TMEM272: variants seen among roughly 807,000 people sequenced by gnomAD.
TMEM272 encodes transmembrane protein 272.
A neutral mutation model predicts 3.7 loss-of-function variants in TMEM272; 8 were observed. That is an observed-to-expected ratio of 2.17 (90% CI 1.27 to 3.91). TMEM272 has a LOEUF of 3.91. TMEM272 is among the 30% of genes most tolerant of loss of function. The probability of loss-of-function intolerance (pLI) is 0.00; values close to 1 mark genes in which losing one functional copy is unlikely to be tolerated. For missense variants in TMEM272, 166 were observed against 91.5 expected (o/e 1.81, Z -3.32); for synonymous variants, 63 against 39.8 (o/e 1.58, Z -2.20).
the TMEM272 span, among the ~76,000 whole-genome samples, chr13:51,869,826 A>C: frequency 6.6e-6 from 1 of 152,148 alleles, no homozygotes; most frequent in South Asian, 2.1e-4. Flanking sequence ...CCATGTAATA[A>C]AGCTCTGGAC....
chr13:51,870,531 A>C, the TMEM272 span, among the ~76,000 whole-genome samples: 1 of 244 alleles, frequency 4.1e-3, no homozygotes, highest in South Asian at 0.026. Context: ...CTACTCCCTC[A>C]AGTCCCGATA....
chr13:51,903,402 G>C, the TMEM272 span, among the ~76,000 whole-genome samples: 1 of 152,158 alleles, frequency 6.6e-6, no homozygotes, highest in South Asian at 2.1e-4. Context: ...CATGCTGTTG[G>C]AAATGGGAGG....
the TMEM272 span, chr13:51,866,158 G>A: frequency 8.3e-7 from 1 of 1,198,232 alleles, no homozygotes; most frequent in Non-Finnish European, 1.2e-6. Context: ...CCATGTGCTG[G>A]AGAAAATACA....
At chr13:51,824,593 G>A (rs1425728311) in intron 3 of TMEM272, among the ~76,000 whole-genome samples, 1 of 152,198 alleles carries the variant, frequency 6.6e-6, no homozygotes, top group Non-Finnish European at 1.5e-5. Flanking sequence ...ATGGGAATTG[G>A]CTTGTGGGGT....
chr13:51,885,528 C>T, the TMEM272 span, among the ~76,000 whole-genome samples: 113 of 152,290 alleles, frequency 7.4e-4, no homozygotes, highest in East Asian at 4.4e-3. Context: ...TACCTACCAC[C>T]GGATCCCTCC....
the TMEM272 span, among the ~76,000 whole-genome samples, chr13:51,853,609 C>T: frequency 6.6e-6 from 1 of 152,080 alleles, no homozygotes; most frequent in South Asian, 2.1e-4. Context: ...ACTGTTCACA[C>T]CTGTGTTGTT....
chr13:51,840,262 A>G (rs776035576), intron 1 of TMEM272, among the ~76,000 whole-genome samples: 1 of 152,136 alleles, frequency 6.6e-6, no homozygotes, highest in Non-Finnish European at 1.5e-5. Context: ...GAGGCTTCCC[A>G]AAGTGAGTCA....
chr13:51,876,124 C>G, the TMEM272 span, among the ~76,000 whole-genome samples: 4 of 152,130 alleles, frequency 2.6e-5, no homozygotes, highest in African/African-American at 4.8e-5. Flanking sequence ...GGTGTTCCCC[C>G]CAAAAAAAGG....
upstream of TMEM272, among the ~76,000 whole-genome samples, chr13:51,849,031 C>A (rs928249341): frequency 2.0e-5 from 3 of 152,176 alleles, no homozygotes; most frequent in Non-Finnish European, 4.4e-5. Flanking sequence ...CTCACTTCGA[C>A]TTCTACCTGA....
At chr13:51,831,019 C>T (rs748825353) in intron 2 of TMEM272, among the ~76,000 whole-genome samples, 5 of 152,226 alleles carry the variant, frequency 3.3e-5, no homozygotes, top group Non-Finnish European at 7.3e-5. Flanking sequence ...TCTAATGAGG[C>T]TCACTCTTGC....
the TMEM272 span, among the ~76,000 whole-genome samples, chr13:51,927,562 T>C: frequency 6.6e-6 from 1 of 152,284 alleles, no homozygotes; most frequent in East Asian, 1.9e-4. Flanking sequence ...TGACATAAGG[T>C]CCTGTCTTCT....
chr13:51,905,167 CAGG>C, the TMEM272 span, among the ~76,000 whole-genome samples: 5 of 152,216 alleles, frequency 3.3e-5, no homozygotes, highest in African/African-American at 1.2e-4. Flanking sequence ...CGGCCCTAAG[CAGG>C]AGAAGAAATG....
At chr13:51,848,001 T>C (rs1319060053), upstream of TMEM272, among the ~76,000 whole-genome samples, 1 of 152,156 alleles carries the variant, frequency 6.6e-6, no homozygotes, top group Admixed American at 6.5e-5. Context: ...GGGGAGAAAG[T>C]AGGAGTCTTT....
intron 4 of TMEM272, among the ~76,000 whole-genome samples, chr13:51,819,203 G>C (rs1272570545): frequency 2.0e-5 from 3 of 152,214 alleles, no homozygotes; most frequent in African/African-American, 4.8e-5. Flanking sequence ...CCTCCTCTGA[G>C]GGGGAGTGGT....
rs141298705 is a variant in TMEM272, at chr13:51,816,841, C to G, written c.474G>C (p.Ala158=). 2.8e-6 allele frequency: 2 copies of G among 702,860 alleles called. No individual in the cohort carries two copies. The highest frequency in any genetic ancestry group is 5.2e-6 in the Non-Finnish European group (2 of 385,008). 43.5% of individuals were successfully genotyped at this position (702,860 alleles called of 1,614,324 possible). ...TLYLFAVGVL[A]LSHTVLVLLL... is the part of the protein sequence containing the mutation. Reference sequence around the variant, plus strand: ...GCAAGACCAGCACAGTGTGACTGAGCGCCAGGACTCCGACTGCAAAGAGGT... The same window carrying G: ...GCAAGACCAGCACAGTGTGACTGAGGGCCAGGACTCCGACTGCAAAGAGGT... The change falls in exon 5 of 5, where the codon GCG becomes GCC. Residue 158 remains alanine (A), a synonymous_variant. Coordinates refer to ENST00000629372, the MANE Select transcript of TMEM272 (RefSeq NM_001351003.2).
chr13:51,924,272 G>T, the TMEM272 span, among the ~76,000 whole-genome samples: 7 of 152,214 alleles, frequency 4.6e-5, no homozygotes, highest in Admixed American at 3.3e-4. Flanking sequence ...CACCCCCTCA[G>T]GCCTGGCTTA....
chr13:51,817,039 G>A lies in TMEM272; in HGVS notation c.276C>T (p.Asp92=), dbSNP rs927641848. The change falls in exon 5 of 5, where the codon GAC becomes GAT. Residue 92 remains aspartate, a synonymous_variant. Transcript: ENST00000629372. Reference sequence around the variant, plus strand: ...TCTGCCTCCAGGGGTATTCGTCATCGTCATCGTCATCAATCACCACGGCCT... The same window carrying A: ...TCTGCCTCCAGGGGTATTCGTCATCATCATCGTCATCAATCACCACGGCCT... ...LSKAVVIDDD[D]DDEYPWRQNA... 15 of 702,888 alleles carry A rather than the reference G, an allele frequency of 2.1e-5. No individual in the cohort carries two copies. The highest frequency in any genetic ancestry group is 1.1e-4 in the East Asian group (4 of 37,304). 43.5% of individuals were successfully genotyped at this position (702,888 alleles called of 1,614,324 possible).
At position 51,844,248 on chromosome 13, in the gene TMEM272, A is replaced by G. The variant is rs558711799; in HGVS notation, c.-24+768T>C. ...TGTGTATGTGTAGACACACACACAT[A>G]TATATATATGATTGTGTTTTTACTG... On this transcript the variant is annotated intron_variant, in intron 1 of 4. Transcript: ENST00000629372. 6.0e-3 allele frequency among the ~76,000 whole-genome samples: 917 copies of G among 152,026 alleles called. 8 individuals carry two copies. The highest frequency in any genetic ancestry group is 0.021 in the African/African-American group (883 of 41,478).
At chr13:51,867,732 C>T in the TMEM272 span, among the ~76,000 whole-genome samples, 278 of 152,266 alleles carry the variant, frequency 1.8e-3, no homozygotes, top group African/African-American at 6.0e-3. Context: ...TCCTTGGTCA[C>T]ACACCCATCC....
Sources: gnomAD v4.1 joint callset for allele counts (sites outside exome capture counted in the v4.1 genomes callset) on GRCh38, gnomAD v4.1.1 for gene constraint, MANE v1.5 for transcripts, NCBI Gene and HGNC (gene_info 2026-07-23, HGNC 2026-07-21) for gene names.